SLC35D4: variants seen among roughly 807,000 people sequenced by gnomAD.
The protein encoded by SLC35D4 is solute carrier family 35 member D4.
the SLC35D4 span, among the ~76,000 whole-genome samples, chr18:23,422,010 G>C: frequency 6.6e-6 from 1 of 151,850 alleles, no homozygotes; most frequent in Non-Finnish European, 1.5e-5. Context: ...TTCCTGAACA[G>C]CCTCACTCAT....
At chr18:23,276,665 A>G in the SLC35D4 span, among the ~76,000 whole-genome samples, 3 of 151,994 alleles carry the variant, frequency 2.0e-5, no homozygotes, top group African/African-American at 7.3e-5. Flanking sequence ...GGACTTAATT[A>G]TTTTCCAGCT....
chr18:23,296,920 G>A, the SLC35D4 span: 1 of 152,124 alleles, frequency 6.6e-6, no homozygotes, highest in Non-Finnish European at 1.5e-5. Flanking sequence ...AGGACCACGA[G>A]AAGTTTAGAG....
chr18:23,247,307 C>T, the SLC35D4 span, among the ~76,000 whole-genome samples: 2 of 152,232 alleles, frequency 1.3e-5, no homozygotes, highest in Non-Finnish European at 2.9e-5. Flanking sequence ...GAGAGGACAT[C>T]GAGGACTGTC....
the SLC35D4 span, among the ~76,000 whole-genome samples, chr18:23,242,936 TGAAA>T: frequency 1.3e-5 from 2 of 151,996 alleles, no homozygotes; most frequent in Non-Finnish European, 2.9e-5. Context: ...ATTGACTCAA[TGAAA>T]GAAAGACTAA....
At chr18:23,262,883 G>A in the SLC35D4 span, among the ~76,000 whole-genome samples, 2 of 152,178 alleles carry the variant, frequency 1.3e-5, no homozygotes, top group Non-Finnish European at 2.9e-5. Context: ...ATGAAATCAG[G>A]GACTCCTTAC....
the SLC35D4 span, among the ~76,000 whole-genome samples, chr18:23,372,219 A>C: frequency 6.6e-6 from 1 of 151,890 alleles, no homozygotes; most frequent in Admixed American, 6.6e-5. Flanking sequence ...TACAGGCGTG[A>C]GCCACCGCGC....
the SLC35D4 span, chr18:23,254,010 T>A: frequency 8.0e-7 from 1 of 1,255,472 alleles, no homozygotes; most frequent in South Asian, 1.2e-5. Flanking sequence ...AAGGATTCGG[T>A]CAGTGACCCT....
chr18:23,283,708 C>T, the SLC35D4 span, among the ~76,000 whole-genome samples: 2 of 151,342 alleles, frequency 1.3e-5, no homozygotes, highest in Non-Finnish European at 2.9e-5. Context: ...ACTCAGGAGG[C>T]TGAGGCAGGA....
chr18:23,386,334 T>C, the SLC35D4 span, among the ~76,000 whole-genome samples: 1 of 151,938 alleles, frequency 6.6e-6, no homozygotes, highest in East Asian at 1.9e-4. Context: ...AGGAGGCAGG[T>C]TGACATGCAC....
chr18:23,249,023 G>C, the SLC35D4 span, among the ~76,000 whole-genome samples: 1 of 152,204 alleles, frequency 6.6e-6, no homozygotes, highest in African/African-American at 2.4e-5. Flanking sequence ...GGCACTGGCT[G>C]CTGGCTCCAG....
chr18:23,353,076 A>AGTGTGTGTGTGTGTGTGT, the SLC35D4 span, among the ~76,000 whole-genome samples: 4,900 of 126,412 alleles, frequency 0.039, 255 homozygotes, highest in East Asian at 0.089. Flanking sequence ...TGAGACAGAC[A>AGTGTGTGTGTGTGTGTGT]GTGTGTGTGT....
the SLC35D4 span, among the ~76,000 whole-genome samples, chr18:23,287,797 G>A: frequency 6.6e-6 from 1 of 152,158 alleles, no homozygotes; most frequent in Non-Finnish European, 1.5e-5. Flanking sequence ...CAGCCGAAGT[G>A]CAGAGCTGTG....
the SLC35D4 span, chr18:23,385,098 AT>A: frequency 1.3e-6 from 2 of 1,593,102 alleles, no homozygotes; most frequent in Admixed American, 3.4e-5. Context: ...AAACATGAAA[AT>A]ATTTTCTTCG....
the SLC35D4 span, among the ~76,000 whole-genome samples, chr18:23,312,202 T>C: frequency 6.6e-6 from 1 of 151,828 alleles, no homozygotes; most frequent in Admixed American, 6.6e-5. Context: ...TCCCCCACCA[T>C]ACCCACAGCC....
chr18:23,364,659 C>T, the SLC35D4 span, among the ~76,000 whole-genome samples: 1 of 152,086 alleles, frequency 6.6e-6, no homozygotes, highest in Non-Finnish European at 1.5e-5. Context: ...AATCCCAGCA[C>T]TTTGGGAGGC....
chr18:23,331,802 T>C, the SLC35D4 span, among the ~76,000 whole-genome samples: 2 of 151,858 alleles, frequency 1.3e-5, no homozygotes, highest in Admixed American at 6.6e-5. Flanking sequence ...TTCCATTGTA[T>C]GGACAGATGA....
At chr18:23,373,745 G>A in the SLC35D4 span, 18 of 1,613,578 alleles carry the variant, frequency 1.1e-5, no homozygotes, top group East Asian at 6.7e-5. Context: ...ATCCTGCTGC[G>A]GCCAGGAGGA....
At chr18:23,437,321 C>A in the SLC35D4 span, among the ~76,000 whole-genome samples, 1 of 152,100 alleles carries the variant, frequency 6.6e-6, no homozygotes. Flanking sequence ...AAAATTGATT[C>A]GGGAATCAGC....
the SLC35D4 span, among the ~76,000 whole-genome samples, chr18:23,274,962 T>G: frequency 6.6e-6 from 1 of 151,738 alleles, no homozygotes; most frequent in African/African-American, 2.4e-5. Flanking sequence ...TATGTGTGCT[T>G]GTGTGTGCGC....
Sources: allele counts gnomAD v4.1 joint callset (sites outside exome capture counted in the v4.1 genomes callset), GRCh38; gene constraint gnomAD v4.1.1; transcripts MANE v1.5; gene names NCBI Gene and HGNC (gene_info 2026-07-23, HGNC 2026-07-21).